ARHGEF3: variants seen among roughly 807,000 people sequenced by gnomAD.
The protein encoded by ARHGEF3 is 59.8 kDA protein.
A neutral mutation model predicts 63.2 loss-of-function variants in ARHGEF3; 28 were observed. That is an observed-to-expected ratio of 0.44 (90% confidence interval 0.33 to 0.61). ARHGEF3 has a LOEUF of 0.61. ARHGEF3 is among the 20% of genes least tolerant of loss of function. ARHGEF3 has a pLI of 0.03. For synonymous variants in ARHGEF3, 266 were observed against 254.2 expected (o/e 1.05, Z -0.44); for missense variants, 533 against 659.3 (o/e 0.81, Z 2.10).
chr3:57,070,806 T>C (rs193277916), intron 1 of ARHGEF3, among the ~76,000 whole-genome samples: 117 of 151,434 alleles, frequency 7.7e-4, no homozygotes, highest in Non-Finnish European at 1.4e-3. Flanking sequence ...CAAAAATAAA[T>C]AAATAAAAAT....
chr3:56,757,103 T>A (rs1235749374), intron 2 of ARHGEF3, among the ~76,000 whole-genome samples: 1 of 152,228 alleles, frequency 6.6e-6, no homozygotes. Context: ...CCAGTTATTT[T>A]GAGATTCAAC....
chr3:57,001,672 G>A (rs1180779717), intron 2 of ARHGEF3, among the ~76,000 whole-genome samples: 2 of 152,152 alleles, frequency 1.3e-5, no homozygotes, highest in Non-Finnish European at 2.9e-5. Context: ...GCTGGAACGT[G>A]GACATGAGGG....
At chr3:56,785,233 T>C (rs1477215891) in intron 1 of ARHGEF3, among the ~76,000 whole-genome samples, 1 of 152,144 alleles carries the variant, frequency 6.6e-6, no homozygotes, top group Non-Finnish European at 1.5e-5. Context: ...CCTGTGGTTT[T>C]ATCATCTGTT....
upstream of ARHGEF3, among the ~76,000 whole-genome samples, chr3:56,806,844 C>T (rs1237542257): frequency 8.7e-6 from 1 of 114,662 alleles, no homozygotes; most frequent in Non-Finnish European, 2.2e-5. Flanking sequence ...CAGGACAATG[C>T]TTTGTCCTAT....
chr3:57,012,218 A>G (rs1332611918), intron 2 of ARHGEF3, among the ~76,000 whole-genome samples: 1 of 152,110 alleles, frequency 6.6e-6, no homozygotes, highest in Non-Finnish European at 1.5e-5. Context: ...CAGCACTTAA[A>G]TCTGTACCTG....
rs1559907765 is a variant in ARHGEF3, at chr3:56,755,023, GCA to G, written c.331_332del (p.Cys111ArgfsTer18). 1 of 1,614,102 alleles carries G rather than the reference GCA, an allele frequency of 6.2e-7. No homozygotes were observed. The highest frequency in any genetic ancestry group is 1.3e-5 in the African/African-American group (1 of 75,020). ...CCTTGGATGTAAGCATCTGATTGAC[GCA>G]CACATCGAAGGTCTCACTCCACAGC... The part of the protein sequence containing the change: ...SKLWSETFDV[C>X]VNQMLTSKEI... On this transcript the variant is annotated frameshift_variant, in exon 3 of 10. Coordinates refer to ENST00000296315, the MANE Select transcript of ARHGEF3 (RefSeq NM_019555.3). LOFTEE classifies it high-confidence loss of function.
upstream of ARHGEF3, among the ~76,000 whole-genome samples, chr3:56,802,985 T>C (rs898219385): frequency 6.6e-6 from 1 of 152,108 alleles, no homozygotes; most frequent in Non-Finnish European, 1.5e-5. Flanking sequence ...AGTTTAAAAA[T>C]AATTGCAGAC....
At chr3:56,782,675 G>GTTTTC (rs2036617250) in intron 1 of ARHGEF3, among the ~76,000 whole-genome samples, 1 of 149,454 alleles carries the variant, frequency 6.7e-6, no homozygotes, top group East Asian at 2.0e-4. Context: ...GCTGGGGTTT[G>GTTTTC]TTTTGTTTTT....
chr3:56,833,390 T>A (rs1298762381), intron 4 of ARHGEF3, among the ~76,000 whole-genome samples: 5 of 152,224 alleles, frequency 3.3e-5, no homozygotes, highest in African/African-American at 1.2e-4. Flanking sequence ...CATTTGTATA[T>A]ATTCTTTGGA....
rs150878147 is a variant in ARHGEF3 at position 56,906,574 on chromosome 3, G to A, written c.130-24220C>T. On this transcript the variant is annotated intron_variant, in intron 3 of 12. Coordinates refer to the ARHGEF3 transcript ENST00000338458. ...ATTTGGGCCAGGTGTGGTGGTTCAC[G>A]CCTATAATCCTAGCACTTCGGGAGG... Among the ~76,000 whole-genome samples, 751 of 152,288 alleles carry A rather than the reference G, an allele frequency of 4.9e-3. 2 individuals carry two copies. Among genetic ancestry groups the A allele is most frequent in the African/African-American group, 0.017 (719 of 41,564 alleles).
intron 3 of ARHGEF3, among the ~76,000 whole-genome samples, chr3:56,914,637 T>C (rs2041937912): frequency 6.6e-6 from 1 of 152,092 alleles, no homozygotes; most frequent in Admixed American, 6.5e-5. Context: ...CACGCAATAT[T>C]ACCACCATGT....
intron 1 of ARHGEF3, among the ~76,000 whole-genome samples, chr3:57,049,949 G>T (rs1372432686): frequency 1.3e-5 from 2 of 152,152 alleles, no homozygotes; most frequent in African/African-American, 4.8e-5. Context: ...ACAACTGCAG[G>T]GGCTGGGATG....
rs142269016 is a variant in ARHGEF3, at chr3:56,813,293, T to C, written c.193-39477A>G. On this transcript the variant is annotated intron_variant, in intron 4 of 12. Transcript: ENST00000338458. ...AATAGCTGGGAAGGCTGGGTTTTTATGATTCATGGGAGGAGGAGAATTTGA... is the reference window on the plus strand; with the variant it reads ...AATAGCTGGGAAGGCTGGGTTTTTACGATTCATGGGAGGAGGAGAATTTGA... Among the ~76,000 whole-genome samples the C allele has an allele frequency of 4.6e-5, 7 of 152,360 alleles. No individual in the cohort carries two copies. The East Asian group carries it at 1.4e-3, about 29-fold the overall frequency.
chr3:56,853,278 TC>T (rs2039741016), intron 4 of ARHGEF3, among the ~76,000 whole-genome samples: 5 of 152,172 alleles, frequency 3.3e-5, no homozygotes, highest in Non-Finnish European at 7.3e-5. Flanking sequence ...TCTTCCACAC[TC>T]AAAAATATAA....
intron 4 of ARHGEF3, among the ~76,000 whole-genome samples, chr3:56,876,653 T>C (rs2040593689): frequency 6.6e-6 from 1 of 151,686 alleles, no homozygotes; most frequent in African/African-American, 2.4e-5. Context: ...TAAACAGGGC[T>C]CATCTTGATG....
At chr3:56,855,034 A>G (rs1270554730) in intron 4 of ARHGEF3, among the ~76,000 whole-genome samples, 1 of 152,142 alleles carries the variant, frequency 6.6e-6, no homozygotes, top group Non-Finnish European at 1.5e-5. Context: ...AGATATGGCC[A>G]TGGCAAGACC....
intron 2 of ARHGEF3, chr3:56,977,330 T>A: frequency 2.2e-6 from 1 of 456,608 alleles, no homozygotes; most frequent in South Asian, 1.5e-5. Flanking sequence ...GCAAGCCCCA[T>A]TCTCTTGGGC....
At chr3:56,848,048 TG>T (rs1329143418) in intron 4 of ARHGEF3, among the ~76,000 whole-genome samples, 1 of 152,106 alleles carries the variant, frequency 6.6e-6, no homozygotes, top group African/African-American at 2.4e-5. Context: ...ACTCGGGAAA[TG>T]TGCACTGGGG....
At chr3:56,850,053 A>C (rs1300064806) in intron 4 of ARHGEF3, among the ~76,000 whole-genome samples, 1 of 151,536 alleles carries the variant, frequency 6.6e-6, no homozygotes. Flanking sequence ...CCACCCCCTC[A>C]CCAGTAACAC....
Sources: allele counts gnomAD v4.1 joint callset (sites outside exome capture counted in the v4.1 genomes callset), GRCh38; gene constraint gnomAD v4.1.1; transcripts MANE v1.5; gene names NCBI Gene and HGNC (gene_info 2026-07-23, HGNC 2026-07-21).